Variants in CACNB2 observed in about 807,000 individuals in gnomAD.
CACNB2 encodes the protein voltage-dependent L-type calcium channel subunit beta-2.
CACNB2 carries 42 observed loss-of-function variants against 73.3 expected under a neutral mutation model. That is an observed-to-expected ratio of 0.57 (90% confidence interval 0.45 to 0.74). CACNB2 has a LOEUF of 0.74. Among genes scored for constraint, CACNB2 ranks in the 30% least tolerant of loss-of-function variants. CACNB2 has a pLI of 0.00. For synonymous variants in CACNB2, 348 were observed against 310.3 expected (o/e 1.12, Z -1.28); for missense variants, 940 against 853.0 (o/e 1.10, Z -1.27).
At chr10:18,304,551 A>T (rs562672088) in intron 2 of CACNB2, among the ~76,000 whole-genome samples, 4 of 152,126 alleles carry the variant, frequency 2.6e-5, no homozygotes, top group African/African-American at 9.6e-5. Flanking sequence ...AAACCTGTTA[A>T]TATCTATATT....
chr10:18,234,882 G>A (rs557456105), intron 2 of CACNB2, among the ~76,000 whole-genome samples: 6 of 152,154 alleles, frequency 3.9e-5, no homozygotes, highest in Non-Finnish European at 5.9e-5. Flanking sequence ...GGTGACTCAC[G>A]CCTGTAATCC....
intron 2 of CACNB2, among the ~76,000 whole-genome samples, chr10:18,264,010 G>A (rs1225691089): frequency 6.6e-6 from 1 of 152,088 alleles, no homozygotes; most frequent in Non-Finnish European, 1.5e-5. Flanking sequence ...TTGCTATTTC[G>A]TTAAGGACAT....
intron 2 of CACNB2, among the ~76,000 whole-genome samples, chr10:18,360,263 T>A (rs1254410536): frequency 6.6e-6 from 1 of 152,198 alleles, no homozygotes; most frequent in Non-Finnish European, 1.5e-5. Flanking sequence ...CTCACTCTGT[T>A]GCCTAGGCTG....
intron 2 of CACNB2, chr10:18,260,380 G>A (rs1251440923): frequency 1.1e-5 from 10 of 945,280 alleles, no homozygotes; most frequent in African/African-American, 1.8e-5. Context: ...GGTCTGAGTC[G>A]GATCAAATTC....
rs571063330 is a variant in CACNB2 at position 18,313,794 on chromosome 10, T to C, written c.214-88130T>C. 3.9e-5 allele frequency among the ~76,000 whole-genome samples: 6 copies of C among 152,368 alleles called. No homozygotes were observed. In the East Asian group the frequency reaches 7.7e-4, roughly 20 times the overall value. ...TTAAGAGAATTGCAGATGTATTCCA[T>C]TGAGGAAAGCGGTATGTTCCCACAC... On this transcript the variant is annotated intron_variant, in intron 2 of 13. Coordinates refer to ENST00000324631, the MANE Select transcript of CACNB2 (RefSeq NM_201596.3).
chr10:18,203,430 CT>C (rs2034965841), intron 2 of CACNB2, among the ~76,000 whole-genome samples: 1 of 152,116 alleles, frequency 6.6e-6, no homozygotes, highest in African/African-American at 2.4e-5. Context: ...CCTTTGTATC[CT>C]TTGGGTAACA....
intron 6 of CACNB2, chr10:18,513,084 C>G (rs1437047436): frequency 2.0e-5 from 3 of 151,348 alleles, no homozygotes; most frequent in Admixed American, 6.8e-5. Context: ...AGCAGCCCAC[C>G]AAACAGTGAC....
chr10:18,330,680 T>C (rs539304852), intron 2 of CACNB2, among the ~76,000 whole-genome samples: 1 of 152,084 alleles, frequency 6.6e-6, no homozygotes, highest in Non-Finnish European at 1.5e-5. Context: ...AAAACTTTTT[T>C]TTTTTTGAGA....
At chr10:18,397,043 T>G (rs567011364) in intron 2 of CACNB2, among the ~76,000 whole-genome samples, 2 of 152,238 alleles carry the variant, frequency 1.3e-5, no homozygotes, top group Non-Finnish European at 1.5e-5. Flanking sequence ...CTTACAACTC[T>G]TATCTTTTGG....
At chr10:18,271,158 G>T (rs1025934233) in intron 2 of CACNB2, among the ~76,000 whole-genome samples, 3 of 152,210 alleles carry the variant, frequency 2.0e-5, no homozygotes, top group African/African-American at 7.2e-5. Context: ...GAAAGTAGAA[G>T]AGAAATTTGG....
At chr10:18,486,552 T>C (rs1468187416) in intron 3 of CACNB2, among the ~76,000 whole-genome samples, 5 of 152,186 alleles carry the variant, frequency 3.3e-5, no homozygotes, top group African/African-American at 7.2e-5. Context: ...AGAGTTTCCT[T>C]TGGATGTGAG....
At chr10:18,228,197 G>T (rs2036076489) in intron 2 of CACNB2, among the ~76,000 whole-genome samples, 1 of 152,062 alleles carries the variant, frequency 6.6e-6, no homozygotes, top group African/African-American at 2.4e-5. Context: ...GCCAAGGCGG[G>T]TGAATCACCT....
intron 2 of CACNB2, among the ~76,000 whole-genome samples, chr10:18,377,012 T>C (rs2051137222): frequency 6.6e-6 from 1 of 152,138 alleles, no homozygotes; most frequent in African/African-American, 2.4e-5. Flanking sequence ...CATAATTGAA[T>C]TGTTTTTAAC....
At chr10:18,253,619 A>G (rs1406711745) in intron 2 of CACNB2, among the ~76,000 whole-genome samples, 2 of 152,142 alleles carry the variant, frequency 1.3e-5, no homozygotes, top group Non-Finnish European at 2.9e-5. Context: ...TAGATCTACA[A>G]TGAATGAAAT....
intron 2 of CACNB2, among the ~76,000 whole-genome samples, chr10:18,193,376 C>T (rs1393040085): frequency 2.6e-5 from 4 of 151,338 alleles, no homozygotes; most frequent in Admixed American, 6.6e-5. Context: ...TCTAGTTTTT[C>T]GATTATAGCC....
rs143629750 is a variant in CACNB2, at chr10:18,468,179, G to A, written c.334-30176G>A. On this transcript the variant is annotated intron_variant, in intron 3 of 13. Coordinates refer to ENST00000324631, the MANE Select transcript of CACNB2 (RefSeq NM_201596.3). The stretch of plus-strand genomic sequence containing the variant: ...ATTACTGAAAAACTTAAATATACAG[G>A]CCAGGTGTGGTGGCTCACGCCTGCA... 3.9e-5 allele frequency among the ~76,000 whole-genome samples: 6 copies of A among 152,212 alleles called. No homozygotes were observed. In the East Asian group the frequency reaches 1.2e-3, roughly 29 times the overall value.
intron 2 of CACNB2, among the ~76,000 whole-genome samples, chr10:18,218,367 C>T (rs371539493): frequency 6.6e-6 from 1 of 152,138 alleles, no homozygotes; most frequent in Non-Finnish European, 1.5e-5. Flanking sequence ...GAATTCCATA[C>T]AATTTATTTG....
intron 2 of CACNB2, among the ~76,000 whole-genome samples, chr10:18,240,599 C>G (rs552939888): frequency 1.3e-5 from 2 of 152,170 alleles, no homozygotes; most frequent in Non-Finnish European, 2.9e-5. Context: ...TTGAAACTTG[C>G]GATCTTGTCT....
Position 18,366,290 on chromosome 10 carries a change from C to A in CACNB2, c.214-35634C>A, listed in dbSNP as rs572995974. On this transcript the variant is annotated intron_variant, in intron 2 of 13. Transcript: ENST00000324631. ...ACCATCCTGGCTAACACGGTGAAAC[C>A]CCGTCTCTACTAAAAATACAAAAAA... Among the ~76,000 whole-genome samples, 196 of 151,266 alleles carry A rather than the reference C, an allele frequency of 1.3e-3. 1 individual carries two copies. Among genetic ancestry groups the A allele is most frequent in the African/African-American group, 4.5e-3 (185 of 41,252 alleles).
Sources: allele counts gnomAD v4.1 joint callset (sites outside exome capture counted in the v4.1 genomes callset), GRCh38; gene constraint gnomAD v4.1.1; transcripts MANE v1.5; gene names NCBI Gene and HGNC (gene_info 2026-07-23, HGNC 2026-07-21).